Variants in NAALAD2 observed in about 807,000 individuals in gnomAD.
NAALAD2 encodes the protein N-acetylated alpha-linked acidic dipeptidase 2.
A neutral mutation model predicts 95.6 loss-of-function variants in NAALAD2; 89 were observed. The observed-to-expected ratio is 0.93, with a 90% CI of 0.78 to 1.11. The LOEUF (loss-of-function observed/expected upper bound fraction) is 1.11. Ranked by LOEUF, NAALAD2 falls within the 50% of genes least tolerant of loss-of-function variation. The pLI is 0.00. For missense variants in NAALAD2, 894 were observed against 872.4 expected (o/e 1.02, Z -0.31); for synonymous variants, 264 against 294.4 (o/e 0.90, Z 1.06).
intron 6 of NAALAD2, among the ~76,000 whole-genome samples, chr11:90,155,546 G>A (rs1224819402): frequency 2.9e-5 from 3 of 103,134 alleles, no homozygotes; most frequent in East Asian, 2.6e-4. Flanking sequence ...TATTATATAT[G>A]ATATATAATG....
intron 16 of NAALAD2, among the ~76,000 whole-genome samples, chr11:90,179,705 C>G (rs537134977): frequency 1.3e-5 from 2 of 152,134 alleles, no homozygotes; most frequent in East Asian, 3.9e-4. Context: ...TTCCTAAATT[C>G]CCTGATTTCC....
At chr11:90,180,592 G>A (rs968591025) in intron 16 of NAALAD2, among the ~76,000 whole-genome samples, 1 of 152,036 alleles carries the variant, frequency 6.6e-6, no homozygotes, top group Non-Finnish European at 1.5e-5. Context: ...ATCCTGAGCT[G>A]TAAGTGCTTT....
chr11:90,187,757 C>G (rs10501710), intron 18 of NAALAD2, among the ~76,000 whole-genome samples: 46,438 of 151,912 alleles, frequency 0.31, 8,172 homozygotes, highest in Non-Finnish European at 0.4. Flanking sequence ...TTTTATGAAC[C>G]TCAAGAATGG....
intron 12 of NAALAD2, 40 bp downstream of exon 12, chr11:90,169,032 G>A: frequency 6.9e-7 from 1 of 1,450,288 alleles, no homozygotes; most frequent in Non-Finnish European, 9.5e-7. Context: ...TTTCAGAAAG[G>A]AAATTTTACT....
chr11:90,168,377 C>T (rs919087666), intron 11 of NAALAD2, among the ~76,000 whole-genome samples: 1 of 152,198 alleles, frequency 6.6e-6, no homozygotes, highest in African/African-American at 2.4e-5. Context: ...CACAGTGGCA[C>T]ACACCTGTAA....
At chr11:90,142,269 G>A (rs11018874) in intron 2 of NAALAD2, among the ~76,000 whole-genome samples, 15,273 of 152,026 alleles carry the variant, frequency 0.1, 1,288 homozygotes, top group Admixed American at 0.27. Context: ...TTTTCTCCAC[G>A]AATGCGAAAT....
chr11:90,146,861 G>A (rs1951761585), intron 2 of NAALAD2, among the ~76,000 whole-genome samples: 1 of 152,064 alleles, frequency 6.6e-6, no homozygotes, highest in African/African-American at 2.4e-5. Context: ...AAAAATGCAT[G>A]GACTTTGAGA....
At chr11:90,183,340 A>G (rs1384668752) in intron 18 of NAALAD2, among the ~76,000 whole-genome samples, 1 of 152,150 alleles carries the variant, frequency 6.6e-6, no homozygotes. Context: ...TCAGATAAAT[A>G]GTTATCCAGT....
chr11:90,159,418 G>A, intron 8 of NAALAD2, 81 bp downstream of exon 8: 1 of 1,012,700 alleles, frequency 9.9e-7, no homozygotes, highest in African/African-American at 1.6e-5. Flanking sequence ...TCTGCCAGGG[G>A]TATTTTGCTT....
At chr11:90,162,924 T>C in intron 8 of NAALAD2, 25 bp from the exon 9 acceptor site, 1 of 1,243,430 alleles carries the variant, frequency 8.0e-7, no homozygotes. Flanking sequence ...CTGTACTAAG[T>C]AATTTATTCC....
Position 90,192,869 on chromosome 11 carries a change from A to G in NAALAD2, c.*1122A>G, listed in dbSNP as rs976344545. 5 of 152,010 alleles carry G rather than the reference A, an allele frequency of 3.3e-5. No individual in the cohort carries two copies. Among genetic ancestry groups the G allele is most frequent in the African/African-American group, 1.2e-4 (5 of 41,450 alleles). The allele number at this position is 152,010 out of a possible 1,614,324, so 9.4% of individuals were successfully genotyped here. On this transcript the variant is annotated 3_prime_UTR_variant, in exon 19 of 19. Transcript: ENST00000534061. ...ATGTTCAACTATGATTAAAGCTTCAATAAACTTGGTTGTTCATCTACTTCA... is the reference window on the plus strand; with the variant it reads ...ATGTTCAACTATGATTAAAGCTTCAGTAAACTTGGTTGTTCATCTACTTCA...
At chr11:90,155,068 GTA>G (rs1229054445) in intron 6 of NAALAD2, among the ~76,000 whole-genome samples, 1 of 118,250 alleles carries the variant, frequency 8.5e-6, no homozygotes, top group Non-Finnish European at 1.6e-5. Context: ...ATATACATAT[GTA>G]TATATGTGTG....
chr11:90,172,376 G>T (rs933273701), intron 13 of NAALAD2, among the ~76,000 whole-genome samples: 1 of 152,128 alleles, frequency 6.6e-6, no homozygotes, highest in African/African-American at 2.4e-5. Context: ...TTACTCTGTG[G>T]ATGGCAGTGG....
intron 18 of NAALAD2, among the ~76,000 whole-genome samples, chr11:90,190,631 C>A (rs1490292368): frequency 6.6e-6 from 1 of 151,968 alleles, no homozygotes; most frequent in Non-Finnish European, 1.5e-5. Flanking sequence ...GTCAGGATAC[C>A]AATGCTTATA....
intron 15 of NAALAD2, among the ~76,000 whole-genome samples, chr11:90,177,378 A>G (rs1952823722): frequency 1.3e-5 from 2 of 151,364 alleles, no homozygotes; most frequent in Non-Finnish European, 2.9e-5. Context: ...CAATTTGAAT[A>G]TGTATTCCCT....
intron 6 of NAALAD2, among the ~76,000 whole-genome samples, chr11:90,155,358 G>GTATAAAATTACA (rs1313321573): frequency 1.2e-5 from 1 of 85,966 alleles, no homozygotes; most frequent in Non-Finnish European, 2.1e-5. Flanking sequence ...TATATTACAT[G>GTATAAAATTACA]TATAATATGT....
intron 18 of NAALAD2, among the ~76,000 whole-genome samples, chr11:90,183,530 A>G (rs1048506610): frequency 2.0e-5 from 3 of 152,112 alleles, no homozygotes; most frequent in Admixed American, 1.3e-4. Context: ...CTCTATTTCC[A>G]TATAGTATTT....
intron 11 of NAALAD2, 137 bp downstream of exon 11, chr11:90,163,754 A>T: frequency 1.2e-6 from 1 of 863,574 alleles, no homozygotes; most frequent in Non-Finnish European, 1.9e-6. Flanking sequence ...ACAATTTAAG[A>T]AATAGTTTAT....
At chr11:90,173,952 A>G in intron 14 of NAALAD2, 37 bp downstream of exon 14, 1 of 1,344,034 alleles carries the variant, frequency 7.4e-7, no homozygotes, top group Non-Finnish European at 1.1e-6. Context: ...ACTGTAGGAT[A>G]AGTTATGAAT....
Sources: allele counts gnomAD v4.1 joint callset (sites outside exome capture counted in the v4.1 genomes callset), GRCh38; gene constraint gnomAD v4.1.1; transcripts MANE v1.5; gene names NCBI Gene and HGNC (gene_info 2026-07-23, HGNC 2026-07-21).